Variants in VPS53 observed in about 807,000 individuals in gnomAD.
The protein encoded by VPS53 is vacuolar protein sorting-associated protein 53 homolog.
In VPS53, 70 loss-of-function variants were observed where a neutral mutation model predicts 107.0. The ratio of observed to expected loss-of-function variants is 0.65; its 90% CI spans 0.54 to 0.80. VPS53 has a LOEUF of 0.80. Ranked by LOEUF, VPS53 falls within the 30% of genes least tolerant of loss-of-function variation. The probability of loss-of-function intolerance (pLI) is 0.00; values close to 1 mark genes in which losing one functional copy is unlikely to be tolerated. For synonymous variants in VPS53, 409 were observed against 393.3 expected (o/e 1.04, Z -0.47); for missense variants, 917 against 1,049.4 (o/e 0.87, Z 1.74).
At chr17:642,191 A>T (rs1313675430) in intron 7 of VPS53, among the ~76,000 whole-genome samples, 1 of 152,236 alleles carries the variant, frequency 6.6e-6, no homozygotes, top group Non-Finnish European at 1.5e-5. Flanking sequence ...TTAATTAGTC[A>T]AATGCTACAG....
At chr17:661,318 G>A (rs1971425704) in intron 5 of VPS53, among the ~76,000 whole-genome samples, 1 of 151,754 alleles carries the variant, frequency 6.6e-6, no homozygotes, top group African/African-American at 2.4e-5. Context: ...TCAAGAGATT[G>A]AGACCATCCT....
intron 17 of VPS53, among the ~76,000 whole-genome samples, chr17:540,823 C>G (rs1265879753): frequency 6.6e-6 from 1 of 152,082 alleles, no homozygotes; most frequent in African/African-American, 2.4e-5. Context: ...CAGAGTGTCC[C>G]CAGAGCCCAG....
intron 14 of VPS53, 77 bp from the exon 15 acceptor site, chr17:560,650 G>A: frequency 6.5e-7 from 1 of 1,534,386 alleles, no homozygotes; most frequent in Non-Finnish European, 8.8e-7. Flanking sequence ...ATTATTTTAA[G>A]ATACAGAAAA....
At chr17:695,068 C>T (rs913895977) in intron 4 of VPS53, among the ~76,000 whole-genome samples, 1 of 152,188 alleles carries the variant, frequency 6.6e-6, no homozygotes, top group Non-Finnish European at 1.5e-5. Context: ...GACAAAGATA[C>T]AGTTCTTACC....
At chr17:678,795 C>T (rs144942687) in intron 4 of VPS53, among the ~76,000 whole-genome samples, 4,015 of 152,150 alleles carry the variant, frequency 0.026, 63 homozygotes, top group East Asian at 0.069. Flanking sequence ...CCCGCCATCA[C>T]GCCTGGCTAA....
intron 13 of VPS53, among the ~76,000 whole-genome samples, chr17:572,097 G>A (rs1462788076): frequency 6.6e-6 from 1 of 151,782 alleles, no homozygotes; most frequent in African/African-American, 2.4e-5. Flanking sequence ...TAGGAAGTGA[G>A]GAGCGCCTCT....
At chr17:571,591 G>A (rs1316886520) in intron 13 of VPS53, among the ~76,000 whole-genome samples, 1 of 150,094 alleles carries the variant, frequency 6.7e-6, no homozygotes, top group Non-Finnish European at 1.5e-5. Context: ...CTCTGATGCC[G>A]AGCCGAAGCT....
intron 12 of VPS53, chr17:600,206 T>A (rs1368204909): frequency 6.6e-6 from 1 of 152,222 alleles, no homozygotes; most frequent in East Asian, 1.9e-4. Flanking sequence ...CATCCAGAGA[T>A]GACTAGCGAA....
intron 17 of VPS53, among the ~76,000 whole-genome samples, chr17:543,999 G>GAGGGAGGGAGTGAGGAAGGC (rs1555549691): frequency 9.5e-5 from 3 of 31,420 alleles, no homozygotes; most frequent in Admixed American, 3.8e-4. Context: ...GGGAGGAAGG[G>GAGGGAGGGAGTGAGGAAGGC]AGGGAGGGAG....
intron 2 of VPS53, among the ~76,000 whole-genome samples, chr17:706,263 G>T (rs1973393714): frequency 6.6e-6 from 1 of 152,072 alleles, no homozygotes; most frequent in Admixed American, 6.6e-5. Context: ...GTCAGGCCAG[G>T]CGTGGTGGCT....
At chr17:606,266 G>C (rs1968573895) in intron 11 of VPS53, among the ~76,000 whole-genome samples, 1 of 152,132 alleles carries the variant, frequency 6.6e-6, no homozygotes, top group African/African-American at 2.4e-5. Flanking sequence ...CCTTAACTGA[G>C]ATGGGGCACC....
rs572308677 is a variant in VPS53 at position 645,351 on chromosome 17, T to C, written c.608+7940A>G. 2.0e-5 allele frequency among the ~76,000 whole-genome samples: 3 copies of C among 152,332 alleles called. No homozygotes were observed. In the South Asian group the frequency reaches 6.2e-4, roughly 32 times the overall value. On this transcript the variant is annotated intron_variant, in intron 7 of 21. Transcript: ENST00000437048. ...ATCCTTTGCTGGTTTTTTAATTGAG[T>C]TGTTTGGCTTTTTGTTGTTGATTTC... is the stretch of plus-strand genomic sequence containing the variant.
At chr17:540,057 T>G (rs112287731) in intron 17 of VPS53, among the ~76,000 whole-genome samples, 25,178 of 146,722 alleles carry the variant, frequency 0.17, 5,756 homozygotes, top group African/African-American at 0.52. Context: ...GCTAGACAAC[T>G]TCCCCCCCGA....
In VPS53 at chr17:562,550, C is replaced by A. The variant is rs1272826132; in HGVS notation, c.1509G>T (p.Lys503Asn). 1 of 1,614,020 alleles carries A rather than the reference C, an allele frequency of 6.2e-7. No individual in the cohort carries two copies. The highest frequency in any genetic ancestry group is 8.5e-7 in the Non-Finnish European group (1 of 1,180,000). ...PMIALTTIFQKYLREYAWKIL... is the reference protein window; with the variant it reads ...PMIALTTIFQNYLREYAWKIL... ...TTTTCCAGGCGTATTCTCGGAGGTA[C>A]TTCTGGAAAATGGTGGTCAGGGCGA... The change falls in exon 14 of 22, where the codon AAG (lysine) becomes AAT (asparagine). Residue 503 changes from lysine to asparagine, a missense_variant. By Grantham distance (94) the Lys-to-Asn change is moderately conservative. Coordinates refer to ENST00000437048, the MANE Select transcript of VPS53 (RefSeq NM_001128159.3).
At chr17:586,198 C>T (rs1007895326) in intron 13 of VPS53, 72 bp downstream of exon 13, 120 of 1,378,828 alleles carry the variant, frequency 8.7e-5, no homozygotes, top group Non-Finnish European at 1.1e-4. Flanking sequence ...AGGAGCTGTG[C>T]GCTCCTAAGA....
intron 19 of VPS53, among the ~76,000 whole-genome samples, chr17:528,202 C>T (rs1419503744): frequency 6.6e-6 from 1 of 152,184 alleles, no homozygotes; most frequent in African/African-American, 2.4e-5. Flanking sequence ...TATCTGGTTT[C>T]AGAACACATT....
rs755842986 is a variant in VPS53, at chr17:655,961, T to C, written c.373-8A>G. ...ACGGGTGATTTCTTTCACCTAAACA[T>C]TGAAAAACCACAAGAAAGAAAGGAA... is the stretch of plus-strand genomic sequence containing the variant. On this transcript the variant is annotated splice_region_variant and splice_polypyrimidine_tract_variant and intron_variant, in intron 5 of 21. Coordinates refer to ENST00000437048, the MANE Select transcript of VPS53 (RefSeq NM_001128159.3). 1.3e-5 allele frequency: 21 copies of C among 1,609,642 alleles called. No individual in the cohort carries two copies. The highest frequency in any genetic ancestry group is 2.2e-5 in the South Asian group (2 of 90,446).
chr17:651,191 TAC>T (rs759315985), intron 7 of VPS53, among the ~76,000 whole-genome samples: 31 of 152,088 alleles, frequency 2.0e-4, no homozygotes, highest in Non-Finnish European at 4.1e-4. Context: ...TTTACGTAAA[TAC>T]ACACACACAA....
In VPS53 at chr17:714,731, G is replaced by C. The variant is rs766153515; in HGVS notation, c.-22C>G. Reference sequence around the variant, plus strand: ...TCATTCCGCCACCCGGCCCCCTGCCGACCCCCGCCGCGAGCCCAACTCAGG... The same window carrying C: ...TCATTCCGCCACCCGGCCCCCTGCCCACCCCCGCCGCGAGCCCAACTCAGG... On this transcript the variant is annotated 5_prime_UTR_variant, in exon 1 of 22. Coordinates refer to ENST00000437048, the MANE Select transcript of VPS53 (RefSeq NM_001128159.3). The C allele has an allele frequency of 6.2e-7, 1 of 1,609,728 alleles. No homozygotes were observed. The highest frequency in any genetic ancestry group is 1.3e-5 in the African/African-American group (1 of 74,206).
Sources: gnomAD v4.1 joint callset for allele counts (sites outside exome capture counted in the v4.1 genomes callset) on GRCh38, gnomAD v4.1.1 for gene constraint, MANE v1.5 for transcripts, NCBI Gene and HGNC (gene_info 2026-07-23, HGNC 2026-07-21) for gene names.